The following CSMD3 variants were observed in gnomAD, a reference collection of about 807,000 sequenced individuals.
CSMD3 encodes the protein CUB and sushi domain-containing protein 3.
CSMD3 carries 177 observed loss-of-function variants against 435.2 expected under a neutral mutation model. The observed-to-expected ratio is 0.41, with a 90% confidence interval of 0.36 to 0.46. The LOEUF is 0.46. Ranked by LOEUF, CSMD3 falls within the 20% of genes least tolerant of loss-of-function variation. The probability of loss-of-function intolerance (pLI) is 0.34; values close to 1 mark genes in which losing one functional copy is unlikely to be tolerated. For missense variants in CSMD3, 4,265 were observed against 4,504.6 expected (o/e 0.95, Z 1.52); for synonymous variants, 1,656 against 1,520.5 (o/e 1.09, Z -2.07).
chr8:113,402,175 A>G (rs937073658), intron 1 of CSMD3, among the ~76,000 whole-genome samples: 5 of 150,744 alleles, frequency 3.3e-5, no homozygotes, highest in African/African-American at 4.9e-5. Flanking sequence ...TTTTTCTTTT[A>G]TCTTAAATTT....
intron 8 of CSMD3, among the ~76,000 whole-genome samples, chr8:112,949,450 C>T (rs567273424): frequency 1.3e-4 from 19 of 151,922 alleles, no homozygotes; most frequent in Non-Finnish European, 2.4e-4. Context: ...TCTACTACAG[C>T]GGACAAATTG....
At chr8:112,443,071 G>A (rs1815214980) in intron 32 of CSMD3, among the ~76,000 whole-genome samples, 1 of 152,008 alleles carries the variant, frequency 6.6e-6, no homozygotes, top group African/African-American at 2.4e-5. Flanking sequence ...TCATTCTAAT[G>A]TTATTTCTTG....
intron 32 of CSMD3, among the ~76,000 whole-genome samples, chr8:112,453,546 A>G (rs970060915): frequency 1.3e-5 from 2 of 152,110 alleles, no homozygotes; most frequent in African/African-American, 4.8e-5. Context: ...CCTAGAAATA[A>G]TCTAACTAAG....
In CSMD3 at chr8:112,807,528, GT is replaced by G. The variant is rs879336641; in HGVS notation, c.1860-7255del. Among the ~76,000 whole-genome samples, 678 of 150,270 alleles carry G rather than the reference GT, an allele frequency of 4.5e-3. 5 individuals carry two copies. The highest frequency in any genetic ancestry group is 0.021 in the South Asian group (100 of 4,806). Reference sequence around the variant, plus strand: ...GGTAGGTAGGTAGGTAGGTAGGTAGGTAGGTAGGTAGGAAATACATGTTTGG... The same window carrying G: ...GGTAGGTAGGTAGGTAGGTAGGTAGGAGGTAGGTAGGAAATACATGTTTGG... On this transcript the variant is annotated intron_variant, in intron 12 of 70. Transcript: ENST00000297405.
At chr8:113,395,550 A>C (rs1256702689) in intron 1 of CSMD3, among the ~76,000 whole-genome samples, 1 of 150,322 alleles carries the variant, frequency 6.7e-6, no homozygotes, top group South Asian at 2.1e-4. Context: ...CGGAGCTTGC[A>C]GTGAGCTGAG....
chr8:113,184,739 A>G (rs2092473488), intron 3 of CSMD3, among the ~76,000 whole-genome samples: 1 of 151,968 alleles, frequency 6.6e-6, no homozygotes, highest in Non-Finnish European at 1.5e-5. Context: ...GTTCAATCTT[A>G]TCAGCTTCCG....
intron 1 of CSMD3, among the ~76,000 whole-genome samples, chr8:113,402,962 C>T (rs1438479208): frequency 7.9e-5 from 12 of 151,210 alleles, no homozygotes. Context: ...ATCAAGTGCA[C>T]TATTGGCTTC....
chr8:113,222,532 G>A (rs941312715), intron 3 of CSMD3, among the ~76,000 whole-genome samples: 8 of 150,928 alleles, frequency 5.3e-5, no homozygotes, highest in Non-Finnish European at 1.2e-4. Flanking sequence ...AGTACTGTAT[G>A]AGTCCAAAGA....
chr8:113,402,174 T>C (rs771573541), intron 1 of CSMD3, among the ~76,000 whole-genome samples: 6 of 150,928 alleles, frequency 4.0e-5, no homozygotes, highest in Non-Finnish European at 4.4e-5. Context: ...ATTTTTCTTT[T>C]ATCTTAAATT....
chr8:113,363,269 T>C (rs1484564487), intron 1 of CSMD3, among the ~76,000 whole-genome samples: 2 of 81,002 alleles, frequency 2.5e-5, no homozygotes, highest in East Asian at 4.6e-4. Flanking sequence ...CTCTTATTTA[T>C]AGTTAATTGC....
intron 32 of CSMD3, among the ~76,000 whole-genome samples, chr8:112,446,273 A>G (rs1815598149): frequency 6.6e-6 from 1 of 152,204 alleles, no homozygotes; most frequent in Non-Finnish European, 1.5e-5. Flanking sequence ...AGCACTGTAT[A>G]AATCCTTTTC....
chr8:112,439,870 C>G (rs79703934), intron 32 of CSMD3, among the ~76,000 whole-genome samples: 2 of 150,086 alleles, frequency 1.3e-5, no homozygotes, highest in East Asian at 2.0e-4. Context: ...GGTCCCCCCC[C>G]GCCAACATGT....
intron 13 of CSMD3, among the ~76,000 whole-genome samples, chr8:112,716,653 T>C (rs1015681664): frequency 7.9e-5 from 12 of 152,188 alleles, no homozygotes; most frequent in African/African-American, 2.7e-4. Flanking sequence ...GCAGGAGGTA[T>C]CATGCTACCT....
At chr8:112,435,220 C>T (rs947397696) in intron 32 of CSMD3, among the ~76,000 whole-genome samples, 1 of 151,976 alleles carries the variant, frequency 6.6e-6, no homozygotes, top group Non-Finnish European at 1.5e-5. Context: ...TAGAGAATAC[C>T]TTTTTGTGCG....
At chr8:113,041,723 T>C (rs1367849816) in intron 5 of CSMD3, among the ~76,000 whole-genome samples, 1 of 152,206 alleles carries the variant, frequency 6.6e-6, no homozygotes, top group Non-Finnish European at 1.5e-5. Flanking sequence ...TATGTCTGTA[T>C]TGTTTCATTG....
At chr8:113,296,841 G>A (rs898792785) in intron 2 of CSMD3, among the ~76,000 whole-genome samples, 4 of 151,996 alleles carry the variant, frequency 2.6e-5, no homozygotes, top group African/African-American at 9.7e-5. Context: ...GCCCCATCAC[G>A]AAAACCATTT....
intron 11 of CSMD3, among the ~76,000 whole-genome samples, chr8:112,837,233 A>C (rs1184896799): frequency 6.6e-6 from 1 of 151,822 alleles, no homozygotes; most frequent in Admixed American, 6.6e-5. Context: ...TTGTTAATTC[A>C]AAATAATTCT....
At chr8:113,412,629 T>C (rs768171689) in intron 1 of CSMD3, among the ~76,000 whole-genome samples, 65 of 152,174 alleles carry the variant, frequency 4.3e-4, no homozygotes, top group Non-Finnish European at 5.7e-4. Context: ...AGAAGGCTGC[T>C]GTATTTTTCA....
At chr8:112,516,208 T>A (rs1823652462) in intron 28 of CSMD3, among the ~76,000 whole-genome samples, 1 of 152,192 alleles carries the variant, frequency 6.6e-6, no homozygotes, top group South Asian at 2.1e-4. Flanking sequence ...AACACAATGA[T>A]GAACAAGTTA....
Sources: gnomAD v4.1 joint callset for allele counts (sites outside exome capture counted in the v4.1 genomes callset) on GRCh38, gnomAD v4.1.1 for gene constraint, MANE v1.5 for transcripts, NCBI Gene and HGNC (gene_info 2026-07-23, HGNC 2026-07-21) for gene names.